The following SPMIP4 variants were observed in gnomAD, a reference collection of about 807,000 sequenced individuals.
The protein encoded by SPMIP4 is sperm microtubule inner protein 4.
At chr7:25,131,859 T>G in the SPMIP4 span, among the ~76,000 whole-genome samples, 2 of 152,198 alleles carry the variant, frequency 1.3e-5, no homozygotes, top group Non-Finnish European at 1.5e-5. This position sits in a 1 kb window ranked among gnomAD's most constrained non-coding sequence, Gnocchi z 4.2. Context: ...TTTAGCCTTA[T>G]TGGGAGTGGC....
chr7:25,134,352 A>C, the SPMIP4 span, among the ~76,000 whole-genome samples: 5 of 124,428 alleles, frequency 4.0e-5, no homozygotes, highest in African/African-American at 1.4e-4. Flanking sequence ...AAAAAAAAAA[A>C]CCAAAAAAAC....
the SPMIP4 span, among the ~76,000 whole-genome samples, chr7:25,126,342 T>C: frequency 6.6e-6 from 1 of 151,944 alleles, no homozygotes; most frequent in Admixed American, 6.6e-5. Flanking sequence ...CACGCCCAGC[T>C]AATTTTTGTA....
chr7:25,137,963 G>A, the SPMIP4 span, among the ~76,000 whole-genome samples: 7,139 of 152,170 alleles, frequency 0.047, 235 homozygotes, highest in Non-Finnish European at 0.071. Flanking sequence ...AACCACTTGG[G>A]TCTAGACTTT....
chr7:25,142,093 C>A, the SPMIP4 span: 3 of 597,638 alleles, frequency 5.0e-6, no homozygotes, highest in African/African-American at 3.8e-5. Context: ...CAAACCAGTT[C>A]AAATCAGCTC....
the SPMIP4 span, among the ~76,000 whole-genome samples, chr7:25,174,515 GA>G: frequency 6.6e-6 from 1 of 152,154 alleles, no homozygotes; most frequent in African/African-American, 2.4e-5. The surrounding 1 kb of genome is among the most constrained non-coding windows in gnomAD (Gnocchi z 4.5). Flanking sequence ...TAACTACTAG[GA>G]GGCGTGACTA....
At chr7:25,151,490 T>C in the SPMIP4 span, 1 of 686,074 alleles carries the variant, frequency 1.5e-6, no homozygotes, top group South Asian at 1.9e-5. Flanking sequence ...CCCTAAGTGC[T>C]GGGATTATGG....
the SPMIP4 span, among the ~76,000 whole-genome samples, chr7:25,145,977 A>G: frequency 6.6e-6 from 1 of 152,180 alleles, no homozygotes; most frequent in African/African-American, 2.4e-5. Context: ...ACCAGGTTAA[A>G]TAGGGGAGGT....
chr7:25,129,937 T>G, the SPMIP4 span, among the ~76,000 whole-genome samples: 1 of 150,628 alleles, frequency 6.6e-6, no homozygotes, highest in Non-Finnish European at 1.5e-5. Context: ...GAAGCTAGGG[T>G]TTTTCAAGGA....
chr7:25,136,164 A>G, the SPMIP4 span: 2 of 1,614,184 alleles, frequency 1.2e-6, no homozygotes, highest in African/African-American at 2.7e-5. The surrounding 1 kb of genome is among the most constrained non-coding windows in gnomAD (Gnocchi z 5.7). Context: ...TAGGAATCCA[A>G]CCAAGAACAG....
chr7:25,171,173 G>C, the SPMIP4 span, among the ~76,000 whole-genome samples: 1 of 152,164 alleles, frequency 6.6e-6, no homozygotes, highest in African/African-American at 2.4e-5. Flanking sequence ...GTACTATGCA[G>C]TGGACTGGCG....
the SPMIP4 span, among the ~76,000 whole-genome samples, chr7:25,127,666 T>C: frequency 6.6e-6 from 1 of 152,238 alleles, no homozygotes; most frequent in South Asian, 2.1e-4. Context: ...CACATATCTC[T>C]TTCTCTCTGG....
chr7:25,146,123 TTCATTTACATCTGGA>T, the SPMIP4 span, among the ~76,000 whole-genome samples: 2 of 152,158 alleles, frequency 1.3e-5, no homozygotes, highest in East Asian at 3.8e-4. Flanking sequence ...AGGCACTTCG[TTCATTTACATCTGGA>T]ATGAAGACAG....
At chr7:25,162,645 G>A in the SPMIP4 span, among the ~76,000 whole-genome samples, 2 of 152,042 alleles carry the variant, frequency 1.3e-5, no homozygotes, top group East Asian at 3.9e-4. Context: ...TAGATGGCCG[G>A]GAGTGTGAGG....
the SPMIP4 span, among the ~76,000 whole-genome samples, chr7:25,126,148 TCAAG>T: frequency 6.6e-6 from 1 of 152,224 alleles, no homozygotes; most frequent in South Asian, 2.1e-4. Context: ...ATCCATCACC[TCAAG>T]CATTTATCCT....
the SPMIP4 span, among the ~76,000 whole-genome samples, chr7:25,168,709 G>T: frequency 0.16 from 24,161 of 150,602 alleles, 2,528 homozygotes; most frequent in African/African-American, 0.3. Flanking sequence ...CAGTTATAGT[G>T]TGTTTATTTT....
the SPMIP4 span, among the ~76,000 whole-genome samples, chr7:25,141,157 C>T: frequency 6.6e-6 from 1 of 152,212 alleles, no homozygotes; most frequent in African/African-American, 2.4e-5. Context: ...ATTTAAAAGT[C>T]TCTACTGATA....
At chr7:25,180,118 G>A in the SPMIP4 span, 2 of 152,318 alleles carry the variant, frequency 1.3e-5, no homozygotes, top group East Asian at 1.9e-4. Context: ...GGAGAAGGAC[G>A]GCGGGCAGGC....
the SPMIP4 span, among the ~76,000 whole-genome samples, chr7:25,162,780 A>AT: frequency 2.2e-4 from 32 of 142,906 alleles, no homozygotes; most frequent in Admixed American, 8.8e-4. Flanking sequence ...ATTTATTTAA[A>AT]TTTTTTTTTG....
chr7:25,175,624 T>C, the SPMIP4 span, among the ~76,000 whole-genome samples: 4 of 152,154 alleles, frequency 2.6e-5, no homozygotes, highest in African/African-American at 7.2e-5. Flanking sequence ...TACATCTGTG[T>C]TTAGAAAATT....
Sources: gnomAD v4.1 joint callset for allele counts (sites outside exome capture counted in the v4.1 genomes callset) on GRCh38, gnomAD v4.1.1 for gene constraint, Gnocchi (gnomAD v3.1) non-coding constraint, MANE v1.5 for transcripts, NCBI Gene and HGNC (gene_info 2026-07-23, HGNC 2026-07-21) for gene names.